Variants in ADAM23 observed in about 807,000 individuals in gnomAD.
ADAM23 encodes the protein disintegrin and metalloproteinase domain-containing protein 23.
ADAM23 carries 33 observed loss-of-function variants against 120.1 expected under a neutral mutation model. The ratio of observed to expected loss-of-function variants is 0.27; its 90% CI spans 0.21 to 0.37. ADAM23 has a LOEUF of 0.37. Among genes scored for constraint, ADAM23 ranks in the 10% least tolerant of loss-of-function variants. The pLI, the probability that ADAM23 is intolerant of heterozygous loss-of-function variation, is 1.00. For synonymous variants in ADAM23, 367 were observed against 375.2 expected (o/e 0.98, Z 0.25); for missense variants, 862 against 1,058.2 (o/e 0.81, Z 2.57).
At chr2:206,470,074 C>G (rs1316351927) in intron 2 of ADAM23, among the ~76,000 whole-genome samples, 3 of 152,096 alleles carry the variant, frequency 2.0e-5, no homozygotes, top group African/African-American at 7.2e-5. Flanking sequence ...AGCCATCCCC[C>G]ACAAAACACA....
At chr2:206,593,276 G>A (rs567980557) in intron 22 of ADAM23, among the ~76,000 whole-genome samples, 7 of 152,192 alleles carry the variant, frequency 4.6e-5, no homozygotes, top group African/African-American at 1.2e-4. Context: ...TTGTTTAGTC[G>A]GGGAGTCATA....
intron 23 of ADAM23, among the ~76,000 whole-genome samples, chr2:206,595,776 A>G (rs1349758731): frequency 6.6e-6 from 1 of 152,032 alleles, no homozygotes; most frequent in Non-Finnish European, 1.5e-5. Context: ...AATAACATGA[A>G]TAATTCAATT....
intron 3 of ADAM23, among the ~76,000 whole-genome samples, chr2:206,517,182 T>G (rs1226960886): frequency 6.6e-6 from 1 of 152,166 alleles, no homozygotes; most frequent in Non-Finnish European, 1.5e-5. Context: ...CTCTCATCCT[T>G]TGTTCTTTCA....
At chr2:206,506,571 T>G (rs1696501334) in intron 3 of ADAM23, among the ~76,000 whole-genome samples, 1 of 152,206 alleles carries the variant, frequency 6.6e-6, no homozygotes, top group African/African-American at 2.4e-5. Context: ...AGGTTCCCAC[T>G]GTTTGGTTTT....
At chr2:206,476,603 T>C (rs1695780854) in intron 2 of ADAM23, among the ~76,000 whole-genome samples, 4 of 152,182 alleles carry the variant, frequency 2.6e-5, no homozygotes, top group Non-Finnish European at 5.9e-5. Flanking sequence ...TGGAACAGTT[T>C]CATCCTGAAA....
intron 14 of ADAM23, among the ~76,000 whole-genome samples, chr2:206,567,013 C>A (rs374064073): frequency 3.9e-5 from 6 of 152,276 alleles, no homozygotes; most frequent in African/African-American, 1.2e-4. Flanking sequence ...AATGTAGCCC[C>A]CAAATCTTTG....
chr2:206,595,014 C>T (rs776540341), intron 23 of ADAM23, 109 bp downstream of exon 23: 31 of 1,427,760 alleles, frequency 2.2e-5, no homozygotes, highest in Non-Finnish European at 2.9e-5. Context: ...AACACCATCT[C>T]TACTAAAAAT....
At chr2:206,448,394 A>G (rs573489886) in intron 2 of ADAM23, among the ~76,000 whole-genome samples, 1 of 152,324 alleles carries the variant, frequency 6.6e-6, no homozygotes, top group East Asian at 1.9e-4. Context: ...AGGGTCTGAA[A>G]TGGAAAAATT....
At chr2:206,549,174 A>G (rs1697461861) in intron 8 of ADAM23, among the ~76,000 whole-genome samples, 1 of 151,680 alleles carries the variant, frequency 6.6e-6, no homozygotes, top group Non-Finnish European at 1.5e-5. Context: ...TTTTTTTGTG[A>G]AAAAAATAGA....
chr2:206,539,123 G>GTTA (rs1309551559), intron 4 of ADAM23, among the ~76,000 whole-genome samples: 1 of 152,212 alleles, frequency 6.6e-6, no homozygotes, highest in Non-Finnish European at 1.5e-5. Context: ...GTGGAGCAGA[G>GTTA]TTATTATTTG....
At chr2:206,527,849 G>C (rs1251786037) in intron 3 of ADAM23, among the ~76,000 whole-genome samples, 2 of 152,174 alleles carry the variant, frequency 1.3e-5, no homozygotes, top group African/African-American at 2.4e-5. Context: ...GACTGGCATG[G>C]TGAGGAGGGG....
intron 3 of ADAM23, 86 bp from the exon 4 acceptor site, chr2:206,530,799 C>T: frequency 8.9e-7 from 1 of 1,126,868 alleles, no homozygotes; most frequent in East Asian, 2.5e-5. Flanking sequence ...GTTTGCATGC[C>T]CCTCACGTTC....
intron 2 of ADAM23, among the ~76,000 whole-genome samples, chr2:206,477,815 T>C (rs1029704599): frequency 1.3e-5 from 2 of 149,512 alleles, no homozygotes; most frequent in Admixed American, 6.7e-5. Context: ...TTGTAAGACT[T>C]TGTACTCATC....
intron 3 of ADAM23, among the ~76,000 whole-genome samples, chr2:206,481,864 C>G (rs539150262): frequency 6.6e-6 from 1 of 152,330 alleles, no homozygotes; most frequent in South Asian, 2.1e-4. Context: ...TTCCTAAGTT[C>G]AAATCAGTTG....
intron 14 of ADAM23, among the ~76,000 whole-genome samples, chr2:206,566,347 C>G (rs1234155902): frequency 6.6e-6 from 1 of 152,048 alleles, no homozygotes; most frequent in Non-Finnish European, 1.5e-5. Context: ...CTGTAAACTA[C>G]CTTCATACAT....
chr2:206,609,421 G>A (rs1698788122), intron 24 of ADAM23, among the ~76,000 whole-genome samples: 1 of 152,192 alleles, frequency 6.6e-6, no homozygotes, highest in Non-Finnish European at 1.5e-5. Context: ...AGTTTTAACT[G>A]TTTCCAAGTG....
chr2:206,546,891 A>C (rs1697410199), intron 6 of ADAM23, among the ~76,000 whole-genome samples: 1 of 152,182 alleles, frequency 6.6e-6, no homozygotes, highest in African/African-American at 2.4e-5. Flanking sequence ...CTAAAAGCAT[A>C]ATTTCTAGGG....
intron 15 of ADAM23, among the ~76,000 whole-genome samples, chr2:206,568,784 CTG>C (rs536548951): frequency 6.6e-5 from 10 of 152,128 alleles, no homozygotes; most frequent in East Asian, 3.8e-4. Flanking sequence ...ACTTTGCAAA[CTG>C]AGAGAGCAGC....
intron 18 of ADAM23, among the ~76,000 whole-genome samples, chr2:206,574,328 T>C (rs959071411): frequency 6.6e-6 from 1 of 152,100 alleles, no homozygotes; most frequent in Non-Finnish European, 1.5e-5. Flanking sequence ...GTTTTATGTT[T>C]TATTTTGCTT....
Sources: gnomAD v4.1 joint callset for allele counts (sites outside exome capture counted in the v4.1 genomes callset) on GRCh38, gnomAD v4.1.1 for gene constraint, MANE v1.5 for transcripts, NCBI Gene and HGNC (gene_info 2026-07-23, HGNC 2026-07-21) for gene names.